HMGCLL1: variants seen among roughly 807,000 people sequenced by gnomAD.
HMGCLL1 encodes 3-hydroxy-3-methylglutaryl-CoA lyase like 1.
A neutral mutation model predicts 39.1 loss-of-function variants in HMGCLL1; 36 were observed. The observed-to-expected ratio is 0.92, with a 90% CI of 0.71 to 1.22. HMGCLL1 has a LOEUF of 1.22. Ranked by LOEUF, HMGCLL1 falls within the 50% of genes most tolerant of loss-of-function variation. The probability of loss-of-function intolerance (pLI) is 0.00; values close to 1 mark genes in which losing one functional copy is unlikely to be tolerated. For synonymous variants in HMGCLL1, 149 were observed against 144.0 expected (o/e 1.03, Z -0.25); for missense variants, 451 against 416.5 (o/e 1.08, Z -0.72).
chr6:55,545,074 A>G (rs1769886087), intron 1 of HMGCLL1, among the ~76,000 whole-genome samples: 1 of 152,164 alleles, frequency 6.6e-6, no homozygotes, highest in African/African-American at 2.4e-5. Context: ...GGCAGGAATG[A>G]AACAAAAACA....
At chr6:55,461,685 A>T (rs1287359137) in intron 7 of HMGCLL1, among the ~76,000 whole-genome samples, 1 of 152,144 alleles carries the variant, frequency 6.6e-6, no homozygotes, top group African/African-American at 2.4e-5. Context: ...AACTTAAAGC[A>T]CCATGAAATT....
chr6:55,678,891 A>G, the HMGCLL1 span, among the ~76,000 whole-genome samples: 4 of 152,208 alleles, frequency 2.6e-5, no homozygotes, highest in Non-Finnish European at 5.9e-5. Flanking sequence ...TTTGTTGAGT[A>G]TACTTACTCT....
At chr6:55,477,326 A>ATTTAGATAATATATAT (rs1176363090) in intron 7 of HMGCLL1, among the ~76,000 whole-genome samples, 1 of 16,062 alleles carries the variant, frequency 6.2e-5, no homozygotes, top group South Asian at 1.8e-3. Flanking sequence ...TATATATTAT[A>ATTTAGATAATATATAT]TTATATAATA....
At chr6:55,499,385 C>T (rs535615760) in intron 5 of HMGCLL1, 86 bp from the exon 6 acceptor site, 2 of 1,008,556 alleles carry the variant, frequency 2.0e-6, no homozygotes, top group African/African-American at 3.3e-5. Context: ...GCTGAAACTG[C>T]ATCAAGAAAA....
At chr6:55,572,774 T>C (rs1212170782) in intron 1 of HMGCLL1, among the ~76,000 whole-genome samples, 1 of 152,230 alleles carries the variant, frequency 6.6e-6, no homozygotes, top group Admixed American at 6.5e-5. Flanking sequence ...CTTTCAATAA[T>C]GGCTGACTAG....
chr6:55,531,360 C>T (rs746090098), intron 3 of HMGCLL1, among the ~76,000 whole-genome samples: 10 of 152,130 alleles, frequency 6.6e-5, no homozygotes, highest in Non-Finnish European at 1.3e-4. Context: ...CCATACTGGA[C>T]CTCTATTTGG....
chr6:55,590,839 A>G, the HMGCLL1 span, among the ~76,000 whole-genome samples: 1 of 151,986 alleles, frequency 6.6e-6, no homozygotes, highest in Admixed American at 6.6e-5. Flanking sequence ...CAGTTCTCCA[A>G]GGGCAGAGGA....
At chr6:55,557,397 T>G (rs1770731033) in intron 1 of HMGCLL1, among the ~76,000 whole-genome samples, 1 of 152,068 alleles carries the variant, frequency 6.6e-6, no homozygotes, top group African/African-American at 2.4e-5. Flanking sequence ...TGGGCAGTGC[T>G]TGCCATCAGC....
intron 5 of HMGCLL1, among the ~76,000 whole-genome samples, chr6:55,505,009 A>G (rs988179355): frequency 6.6e-6 from 1 of 151,714 alleles, no homozygotes; most frequent in Non-Finnish European, 1.5e-5. Context: ...AAAATTAACA[A>G]AAAACACAGC....
the HMGCLL1 span, among the ~76,000 whole-genome samples, chr6:55,610,864 G>C: frequency 1.3e-5 from 2 of 152,140 alleles, no homozygotes; most frequent in East Asian, 1.9e-4. Context: ...AGCCAGAAGA[G>C]AGTGGGGACC....
At chr6:55,584,726 C>T in the HMGCLL1 span, among the ~76,000 whole-genome samples, 1 of 151,950 alleles carries the variant, frequency 6.6e-6, no homozygotes, top group African/African-American at 2.4e-5. Flanking sequence ...ATGCTGACAG[C>T]ATGGATAGAA....
intron 3 of HMGCLL1, among the ~76,000 whole-genome samples, chr6:55,524,471 A>AAAAC (rs1190632601): frequency 6.6e-6 from 1 of 150,440 alleles, no homozygotes; most frequent in Non-Finnish European, 1.5e-5. Flanking sequence ...TTTAAAAAAA[A>AAAAC]AAAAAAAACG....
the HMGCLL1 span, among the ~76,000 whole-genome samples, chr6:55,616,016 G>A: frequency 3.9e-5 from 6 of 152,026 alleles, no homozygotes; most frequent in African/African-American, 1.2e-4. Context: ...TTTCTTAAGA[G>A]AAAATATTTA....
intron 5 of HMGCLL1, among the ~76,000 whole-genome samples, chr6:55,501,790 A>C (rs934446079): frequency 6.6e-6 from 1 of 151,872 alleles, no homozygotes; most frequent in Admixed American, 6.6e-5. Flanking sequence ...AAATCACTCA[A>C]CTATTAGCAA....
At chr6:55,506,345 T>C (rs1296721843) in intron 5 of HMGCLL1, among the ~76,000 whole-genome samples, 1 of 151,644 alleles carries the variant, frequency 6.6e-6, no homozygotes, top group Non-Finnish European at 1.5e-5. Context: ...CCTCTTAAAA[T>C]GATGAATCCT....
intron 1 of HMGCLL1, among the ~76,000 whole-genome samples, chr6:55,548,658 C>T (rs1321035819): frequency 6.6e-6 from 1 of 151,408 alleles, no homozygotes; most frequent in Non-Finnish European, 1.5e-5. Flanking sequence ...ATAAATGCAG[C>T]CAGGTGTTTA....
intron 3 of HMGCLL1, among the ~76,000 whole-genome samples, chr6:55,533,257 C>T (rs1009445844): frequency 4.0e-5 from 6 of 150,466 alleles, no homozygotes; most frequent in African/African-American, 1.5e-4. Flanking sequence ...AAAATATGTA[C>T]TATTATTGTA....
chr6:55,615,120 A>G, the HMGCLL1 span, among the ~76,000 whole-genome samples: 1 of 152,092 alleles, frequency 6.6e-6, no homozygotes, highest in Non-Finnish European at 1.5e-5. Context: ...AACAGCATAG[A>G]CTTTTTCTAA....
chr6:55,567,698 A>G (rs1024934854), intron 1 of HMGCLL1, among the ~76,000 whole-genome samples: 1 of 152,142 alleles, frequency 6.6e-6, no homozygotes, highest in Non-Finnish European at 1.5e-5. Flanking sequence ...CACAGCAATG[A>G]AGAATGAAAA....
Sources: gnomAD v4.1 joint callset for allele counts (sites outside exome capture counted in the v4.1 genomes callset) on GRCh38, gnomAD v4.1.1 for gene constraint, MANE v1.5 for transcripts, NCBI Gene and HGNC (gene_info 2026-07-23, HGNC 2026-07-21) for gene names.